The following LINGO2 variants were observed in gnomAD, a reference collection of about 807,000 sequenced individuals.
LINGO2 encodes leucine-rich repeat and immunoglobulin-like domain-containing nogo receptor-interacting protein 2.
Under a neutral mutation model 30.6 loss-of-function variants are expected in LINGO2, and 14 were observed. The observed-to-expected ratio is 0.46, with a 90% CI of 0.30 to 0.72. LINGO2 has a LOEUF of 0.72. Among genes scored for constraint, LINGO2 ranks in the 30% least tolerant of loss-of-function variants. The pLI, the probability that LINGO2 is intolerant of heterozygous loss-of-function variation, is 0.07. For synonymous variants in LINGO2, 317 were observed against 288.5 expected (o/e 1.10, Z -1.00); for missense variants, 729 against 751.7 (o/e 0.97, Z 0.35).
the LINGO2 span, among the ~76,000 whole-genome samples, chr9:28,747,028 A>G: frequency 1.3e-5 from 2 of 151,964 alleles, no homozygotes; most frequent in Admixed American, 1.3e-4. Flanking sequence ...GCAAAGCCCC[A>G]CCTTCAAGCC....
chr9:28,807,700 A>G, the LINGO2 span, among the ~76,000 whole-genome samples: 3 of 152,230 alleles, frequency 2.0e-5, 1 homozygote, highest in Non-Finnish European at 4.4e-5. Context: ...ACACAAAAGC[A>G]GTTTAGAAAT....
At chr9:27,940,480 C>G in the LINGO2 span, 1 of 152,178 alleles carries the variant, frequency 6.6e-6, no homozygotes, top group African/African-American at 2.4e-5. Context: ...AGGTTTCTCA[C>G]TTTTCTCCTT....
chr9:27,953,823 A>G (rs1332587437), intron 5 of LINGO2, among the ~76,000 whole-genome samples: 2 of 152,114 alleles, frequency 1.3e-5, no homozygotes, highest in Non-Finnish European at 2.9e-5. Context: ...GTAGCTTAAC[A>G]TGGAAAATGA....
chr9:29,098,739 C>A, the LINGO2 span, among the ~76,000 whole-genome samples: 1 of 151,966 alleles, frequency 6.6e-6, no homozygotes, highest in Non-Finnish European at 1.5e-5. Context: ...AAATAAGAAG[C>A]CTTTGATACT....
the LINGO2 span, among the ~76,000 whole-genome samples, chr9:29,107,940 T>C: frequency 1.3e-5 from 2 of 151,942 alleles, no homozygotes; most frequent in Admixed American, 6.6e-5. Context: ...GAGAGAGTAT[T>C]CTATGATTGA....
chr9:28,833,924 C>A, the LINGO2 span, among the ~76,000 whole-genome samples: 1 of 152,126 alleles, frequency 6.6e-6, no homozygotes, highest in African/African-American at 2.4e-5. Context: ...TTCTTTATAT[C>A]GCACTCATAG....
chr9:28,009,749 CAT>C (rs1408158575), intron 5 of LINGO2, among the ~76,000 whole-genome samples: 7 of 152,146 alleles, frequency 4.6e-5, no homozygotes, highest in African/African-American at 1.2e-4. Context: ...TGGGAACTCT[CAT>C]ATATTCCTGG....
chr9:28,563,096 C>T (rs1823189263), intron 1 of LINGO2, among the ~76,000 whole-genome samples: 1 of 152,114 alleles, frequency 6.6e-6, no homozygotes, highest in Non-Finnish European at 1.5e-5. Context: ...ATCCACCCAC[C>T]TTGGCCTCCC....
chr9:28,049,954 G>A (rs897070784), intron 4 of LINGO2, among the ~76,000 whole-genome samples: 2 of 150,744 alleles, frequency 1.3e-5, no homozygotes, highest in Non-Finnish European at 2.9e-5. Flanking sequence ...GATTTGATGG[G>A]GCCAAGCCTG....
At chr9:28,509,869 A>T (rs900251922) in intron 1 of LINGO2, among the ~76,000 whole-genome samples, 1 of 152,246 alleles carries the variant, frequency 6.6e-6, no homozygotes, top group Non-Finnish European at 1.5e-5. Context: ...TATAGTCTAG[A>T]TTTAACTTAT....
At chr9:29,001,775 A>G in the LINGO2 span, among the ~76,000 whole-genome samples, 1 of 151,376 alleles carries the variant, frequency 6.6e-6, no homozygotes, top group South Asian at 2.1e-4. Context: ...AAAATACTAT[A>G]TTGCATATAT....
At chr9:28,424,653 A>G (rs1173152366) in intron 2 of LINGO2, among the ~76,000 whole-genome samples, 2 of 152,198 alleles carry the variant, frequency 1.3e-5, no homozygotes, top group African/African-American at 4.8e-5. Context: ...TCATTTAAGT[A>G]CATCAATGTA....
chr9:29,004,085 G>C, the LINGO2 span, among the ~76,000 whole-genome samples: 1 of 151,756 alleles, frequency 6.6e-6, no homozygotes, highest in Non-Finnish European at 1.5e-5. Flanking sequence ...TACTGCCTAA[G>C]GTACAGATTT....
the LINGO2 span, among the ~76,000 whole-genome samples, chr9:29,148,164 G>A: frequency 6.6e-6 from 1 of 152,100 alleles, no homozygotes; most frequent in African/African-American, 2.4e-5. Flanking sequence ...CAATGTGTAT[G>A]TCTCCTTTTA....
At chr9:28,823,493 G>A in the LINGO2 span, among the ~76,000 whole-genome samples, 14 of 152,118 alleles carry the variant, frequency 9.2e-5, no homozygotes, top group African/African-American at 3.1e-4. Context: ...CTCTGAACCT[G>A]GGTTGGCCTT....
chr9:29,097,584 T>C, the LINGO2 span, among the ~76,000 whole-genome samples: 1 of 139,036 alleles, frequency 7.2e-6, no homozygotes, highest in Admixed American at 7.3e-5. Context: ...AACTTTACTG[T>C]TACACCAATA....
intron 2 of LINGO2, among the ~76,000 whole-genome samples, chr9:28,474,827 T>C (rs1587722653): frequency 2.0e-5 from 3 of 152,284 alleles, no homozygotes; most frequent in Non-Finnish European, 4.4e-5. Context: ...CAATAACTGG[T>C]CTGCACCATG....
At chr9:27,963,683 G>A (rs1819957790) in intron 5 of LINGO2, among the ~76,000 whole-genome samples, 1 of 149,834 alleles carries the variant, frequency 6.7e-6, no homozygotes, top group South Asian at 2.1e-4. Context: ...TTTGAAGTCA[G>A]TAAAGCTATT....
intron 1 of LINGO2, among the ~76,000 whole-genome samples, chr9:28,553,063 T>C (rs1390116705): frequency 2.6e-5 from 4 of 151,882 alleles, no homozygotes; most frequent in African/African-American, 9.7e-5. Context: ...CTAATAATCC[T>C]TGGGATTCTG....
Sources: gnomAD v4.1 joint callset for allele counts (sites outside exome capture counted in the v4.1 genomes callset) on GRCh38, gnomAD v4.1.1 for gene constraint, MANE v1.5 for transcripts, NCBI Gene and HGNC (gene_info 2026-07-23, HGNC 2026-07-21) for gene names.